Variants in TMEM266 observed in about 807,000 individuals in gnomAD.
The protein encoded by TMEM266 is Hv1 related protein 1.
Under a neutral mutation model 50.5 loss-of-function variants are expected in TMEM266, and 33 were observed. That is an observed-to-expected ratio of 0.65 (90% CI 0.50 to 0.87). TMEM266 has a LOEUF of 0.87. Ranked by LOEUF, TMEM266 falls within the 40% of genes least tolerant of loss-of-function variation. TMEM266 has a pLI of 0.00. For synonymous variants in TMEM266, 310 were observed against 292.3 expected, an observed-to-expected ratio of 1.06 and a Z score of -0.62; for missense variants, 655 against 695.1, an observed-to-expected ratio of 0.94 and a Z score of 0.65.
chr15:76,186,522 G>A (rs905079855), intron 8 of TMEM266, among the ~76,000 whole-genome samples: 2 of 152,176 alleles, frequency 1.3e-5, no homozygotes, highest in African/African-American at 4.8e-5. Flanking sequence ...TGGGTGTGAA[G>A]CTTGCCAAAA....
rs537753951 is a variant in TMEM266, at chr15:76,191,699, G to A, written c.769-269G>A. The A allele has an allele frequency of 1.1e-4, 45 of 420,914 alleles. No homozygotes were observed. In the East Asian group the frequency reaches 1.8e-3, roughly 17 times the overall value. 26.1% of individuals were successfully genotyped at this position (420,914 alleles called of 1,614,324 possible). ...CCTTTCCACAAAGGAAACACGTTGT[G>A]TTTCCTCTCCCGGGCATCCGTGAGA... On this transcript the variant is annotated intron_variant, in intron 8 of 10. Transcript: ENST00000388942.
chr15:76,190,062 AATC>A (rs2038544879), intron 8 of TMEM266, among the ~76,000 whole-genome samples: 1 of 152,252 alleles, frequency 6.6e-6, no homozygotes, highest in Non-Finnish European at 1.5e-5. Flanking sequence ...ATAAAAGTAA[AATC>A]AACAAAATAT....
At chr15:76,137,180 C>T (rs2037603311) in intron 2 of TMEM266, among the ~76,000 whole-genome samples, 2 of 152,280 alleles carry the variant, frequency 1.3e-5, no homozygotes, top group African/African-American at 4.8e-5. Flanking sequence ...CCCCAAGGCC[C>T]ACTAGGTCTC....
intron 1 of TMEM266, among the ~76,000 whole-genome samples, chr15:76,078,992 G>T (rs1382759222): frequency 6.6e-6 from 1 of 152,096 alleles, no homozygotes; most frequent in African/African-American, 2.4e-5. Flanking sequence ...TCTCTTCTCT[G>T]CCCCATCCAT....
At chr15:76,096,488 T>A (rs1360563032) in intron 1 of TMEM266, among the ~76,000 whole-genome samples, 1 of 151,998 alleles carries the variant, frequency 6.6e-6, no homozygotes, top group Non-Finnish European at 1.5e-5. Flanking sequence ...TTATGATTTC[T>A]GTTCTTTTGC....
intron 1 of TMEM266, among the ~76,000 whole-genome samples, chr15:76,127,215 T>C (rs543147082): frequency 6.6e-6 from 1 of 152,288 alleles, no homozygotes; most frequent in South Asian, 2.1e-4. Context: ...CATTACAGTT[T>C]ATGTCTCAAA....
chr15:76,104,205 C>CAAAA lies in TMEM266; in HGVS notation c.-96-29953_-96-29950dup, dbSNP rs55768096. On this transcript the variant is annotated intron_variant, in intron 1 of 10. Transcript: ENST00000388942. ...CTGGTGAAAGAGTGAGATTCTGTCT[C>CAAAA]AAAAAAAAAAAAATTATATTTGGGA... 3.7e-3 allele frequency among the ~76,000 whole-genome samples: 547 copies of CAAAA among 147,218 alleles called. 6 individuals carry two copies. Among genetic ancestry groups the CAAAA allele is most frequent in the African/African-American group, 0.01 (419 of 40,214 alleles).
chr15:76,103,890 G>A (rs901188809), intron 1 of TMEM266, among the ~76,000 whole-genome samples: 4 of 142,864 alleles, frequency 2.8e-5, no homozygotes, highest in South Asian at 4.4e-4. Flanking sequence ...GCAGCCTAGC[G>A]ACGGAGCGAG....
chr15:76,127,037 T>C (rs1249709664), intron 1 of TMEM266, among the ~76,000 whole-genome samples: 1 of 152,112 alleles, frequency 6.6e-6, no homozygotes, highest in African/African-American at 2.4e-5. Flanking sequence ...ATAACCACCA[T>C]AGTGACTAAT....
chr15:76,094,122 T>A (rs570652488), intron 1 of TMEM266, among the ~76,000 whole-genome samples: 31 of 152,110 alleles, frequency 2.0e-4, no homozygotes, highest in African/African-American at 7.2e-4. Flanking sequence ...TAGTTTAATT[T>A]GATCCCATTT....
chr15:76,184,814 G>A (rs12595738), intron 8 of TMEM266, among the ~76,000 whole-genome samples: 64,580 of 152,114 alleles, frequency 0.42, 16,403 homozygotes, highest in Middle Eastern at 0.59. Flanking sequence ...TGCATACTGC[G>A]GGCTTCCCTG....
intron 1 of TMEM266, among the ~76,000 whole-genome samples, chr15:76,070,200 A>C (rs2036517355): frequency 1.3e-5 from 2 of 152,206 alleles, no homozygotes; most frequent in Admixed American, 6.5e-5. Context: ...GGTTCTATTT[A>C]GCATTCTGTT....
intron 1 of TMEM266, among the ~76,000 whole-genome samples, chr15:76,075,641 C>T (rs576510914): frequency 1.1e-4 from 17 of 152,058 alleles, no homozygotes; most frequent in African/African-American, 4.1e-4. Context: ...ATGCTTCACA[C>T]TTCTAGGCAC....
intron 3 of TMEM266, among the ~76,000 whole-genome samples, chr15:76,141,362 A>G (rs1428134827): frequency 1.3e-5 from 2 of 151,702 alleles, no homozygotes; most frequent in African/African-American, 4.8e-5. Context: ...CAGCCTCCCA[A>G]GTAACTGGGA....
intron 9 of TMEM266, among the ~76,000 whole-genome samples, chr15:76,193,430 G>T (rs910918339): frequency 1.3e-5 from 2 of 152,144 alleles, no homozygotes; most frequent in Non-Finnish European, 2.9e-5. Flanking sequence ...ATGTTGCCCA[G>T]GCTGGTCTCA....
In TMEM266 at chr15:76,160,869, A is replaced by T. The variant is rs1321198665; in HGVS notation, c.456+701A>T. Among the ~76,000 whole-genome samples, 1 of 152,168 alleles carries T rather than the reference A, an allele frequency of 6.6e-6. No homozygotes were observed. Among genetic ancestry groups the T allele is most frequent in the Admixed American group, 6.5e-5 (1 of 15,282 alleles). On this transcript the variant is annotated intron_variant, in intron 5 of 10. Transcript: ENST00000388942. This position sits in a 1 kb window ranked among gnomAD's most constrained non-coding sequence, Gnocchi z 5.7. Reference sequence around the variant, plus strand: ...CCGCAGGCCCCCGGGCTTGGTGCAGAAGCTGGCATGTCTGGGCAGCACATT... The same window carrying T: ...CCGCAGGCCCCCGGGCTTGGTGCAGTAGCTGGCATGTCTGGGCAGCACATT...
Position 76,160,669 on chromosome 15 carries a change from G to T in TMEM266, c.456+501G>T, listed in dbSNP as rs1359422745. On this transcript the variant is annotated intron_variant, in intron 5 of 10. Transcript: ENST00000388942. This position sits in a 1 kb window ranked among gnomAD's most constrained non-coding sequence, Gnocchi z 5.7. ...CAGGCAGTGGACCTGACCTGGTCCTGCAGGGGCCCTGGGTCTGACAGGGCC... is the reference window on the plus strand; with the variant it reads ...CAGGCAGTGGACCTGACCTGGTCCTTCAGGGGCCCTGGGTCTGACAGGGCC... 6.6e-6 allele frequency among the ~76,000 whole-genome samples: 1 copy of T among 152,206 alleles called. No homozygotes were observed.
chr15:76,066,640 TAAA>T (rs111952608), intron 1 of TMEM266, among the ~76,000 whole-genome samples: 4 of 136,382 alleles, frequency 2.9e-5, no homozygotes, highest in African/African-American at 7.9e-5. Flanking sequence ...GCTGCCTACT[TAAA>T]AAAAAAAAAA....
At chr15:76,195,269 G>T (rs1167210266) in intron 9 of TMEM266, among the ~76,000 whole-genome samples, 1 of 152,174 alleles carries the variant, frequency 6.6e-6, no homozygotes, top group Admixed American at 6.5e-5. Flanking sequence ...GCCTGCCTCA[G>T]TCAGGTCTCC....
Sources: allele counts gnomAD v4.1 joint callset (sites outside exome capture counted in the v4.1 genomes callset), GRCh38; gene constraint gnomAD v4.1.1; non-coding constraint Gnocchi (gnomAD v3.1); transcripts MANE v1.5; gene names NCBI Gene and HGNC (gene_info 2026-07-23, HGNC 2026-07-21).